MUC5B: variants seen among roughly 807,000 people sequenced by gnomAD.
MUC5B encodes the protein mucin 5B, oligomeric mucus/gel-forming, also known as mucin-5B.
A neutral mutation model predicts 376.9 loss-of-function variants in MUC5B; 116 were observed. The observed-to-expected ratio is 0.31, with a 90% CI of 0.26 to 0.36. The LOEUF (loss-of-function observed/expected upper bound fraction) is 0.36. Ranked by LOEUF, MUC5B falls within the 10% of genes least tolerant of loss-of-function variation. The pLI is 1.00. For missense variants in MUC5B, 7,165 were observed against 7,769.9 expected (o/e 0.92, Z 2.93); for synonymous variants, 3,517 against 3,390.9 (o/e 1.04, Z -1.29).
chr11:1,244,856 C>A lies in MUC5B; in HGVS notation c.7976C>A (p.Pro2659His), dbSNP rs1293755978. Reference sequence around the variant, plus strand: ...TCCATCCCGGGGACCACCCACACCCCCACAGTGCTGACCACCACCACCACA... The same window carrying A: ...TCCATCCCGGGGACCACCCACACCCACACAGTGCTGACCACCACCACCACA... Reference protein sequence around the residue: ...PSSIPGTTHTPTVLTTTTTTV... With the variant: ...PSSIPGTTHTHTVLTTTTTTV... Residue 2659 changes from proline (P) to histidine (H), a missense_variant, in exon 31 of 49, where the codon CCC becomes CAC. Physicochemically the swap from Pro to His is moderately conservative, Grantham distance 77. Coordinates refer to ENST00000529681, the MANE Select transcript of MUC5B (RefSeq NM_002458.3). 8 of 1,613,560 alleles carry A rather than the reference C, an allele frequency of 5.0e-6. No homozygotes were observed. The Admixed American group carries it at 1.3e-4, about 27-fold the overall frequency.
rs749776295 is a variant in MUC5B at position 1,241,812 on chromosome 11, G to A, written c.4932G>A (p.Pro1644=). 1.1e-5 allele frequency: 18 copies of A among 1,612,424 alleles called. No individual in the cohort carries two copies. Among genetic ancestry groups the A allele is most frequent in the South Asian group, 6.6e-5 (6 of 90,962 alleles). ...TSSPGLTRAP[P]ASTTAVPTLS... is the part of the protein sequence containing the mutation. The stretch of plus-strand genomic sequence containing the variant: ...GCCCGGGGCTGACCAGGGCTCCCCC[G>A]GCCAGCACCACAGCAGTCCCCACCC... The change falls in exon 31 of 49, where the codon CCG becomes CCA. Residue 1644 remains proline, a synonymous_variant. Transcript: ENST00000529681.
Position 1,242,148 on chromosome 11 carries a change from T to C in MUC5B, c.5268T>C (p.Ser1756=). ...APTLTSELST[S]QAETSTPRTE... The stretch of plus-strand genomic sequence containing the variant: ...CACTCACGAGCGAGCTGTCCACCTC[T>C]CAGGCCGAGACCAGCACGCCCAGGA... Residue 1756 remains serine, a synonymous_variant, in exon 31 of 49, where the codon TCT becomes TCC. Coordinates refer to ENST00000529681, the MANE Select transcript of MUC5B (RefSeq NM_002458.3). 1 of 1,613,290 alleles carries C rather than the reference T, an allele frequency of 6.2e-7. No homozygotes were observed.
Position 1,248,491 on chromosome 11 carries a change from A to G in MUC5B, c.11611A>G (p.Thr3871Ala), listed in dbSNP as rs778343466. Residue 3871 changes from threonine to alanine, a missense_variant, in exon 31 of 49, where the codon ACG becomes GCG. Thr to Ala is a moderately conservative substitution (Grantham distance 58). Coordinates refer to ENST00000529681, the MANE Select transcript of MUC5B (RefSeq NM_002458.3). ...HTTKVPTTTT[T>A]GFTVTPSSSP... ...TACCAAAGTGCCGACTACCACAACC[A>G]CGGGCTTCACAGTCACCCCCTCCTC... 3.1e-6 allele frequency: 5 copies of G among 1,611,112 alleles called. No individual in the cohort carries two copies. Among genetic ancestry groups the G allele is most frequent in the Non-Finnish European group, 3.4e-6 (4 of 1,178,664 alleles).
chr11:1,225,389 G>T (rs1183651444), intron 1 of MUC5B, among the ~76,000 whole-genome samples: 1 of 152,238 alleles, frequency 6.6e-6, no homozygotes, highest in Non-Finnish European at 1.5e-5. Flanking sequence ...GGCAGGCCGT[G>T]CTGGGGGCAG....
At position 1,247,398 on chromosome 11, in the gene MUC5B, T is replaced by A. The variant is rs372935832; in HGVS notation, c.10518T>A (p.Thr3506=). 6.2e-7 allele frequency: 1 copy of A among 1,606,666 alleles called. No individual in the cohort carries two copies. Among genetic ancestry groups the A allele is most frequent in the African/African-American group, 1.4e-5 (1 of 73,194 alleles). The part of the protein sequence containing the change: ...AATTSTTQHS[T]PALSSPHPSS... Reference sequence around the variant, plus strand: ...CCACCAGTACCACCCAGCACTCGACTCCAGCCCTGTCCAGCCCTCACCCTA... The same window carrying A: ...CCACCAGTACCACCCAGCACTCGACACCAGCCCTGTCCAGCCCTCACCCTA... Residue 3506 remains threonine, a synonymous_variant, in exon 31 of 49, where the codon ACT becomes ACA. Coordinates refer to ENST00000529681, the MANE Select transcript of MUC5B (RefSeq NM_002458.3).
Position 1,233,855 on chromosome 11 carries a change from G to A in MUC5B, c.2377+7G>A, listed in dbSNP as rs1219071036. ...TCTCTGCAGAAAAGCACAGGTAAGT[G>A]CCACCCCTGCCCTGCCCTGCCCTGC... On this transcript the variant is annotated splice_region_variant and intron_variant, in intron 19 of 48. Coordinates refer to ENST00000529681, the MANE Select transcript of MUC5B (RefSeq NM_002458.3). 1 of 1,575,696 alleles carries A rather than the reference G, an allele frequency of 6.3e-7. No homozygotes were observed. Among genetic ancestry groups the A allele is most frequent in the Non-Finnish European group, 8.6e-7 (1 of 1,163,970 alleles).
At position 1,255,167 on chromosome 11, in the gene MUC5B, C is replaced by A. The variant is rs1404775699; in HGVS notation, c.15791C>A (p.Thr5264Asn). The A allele has an allele frequency of 3.2e-6, 5 of 1,559,964 alleles. No individual in the cohort carries two copies. Among genetic ancestry groups the A allele is most frequent in the African/African-American group, 1.4e-5 (1 of 73,350 alleles). Residue 5264 changes from threonine (T) to asparagine (N), a missense_variant, in exon 36 of 49, where the codon ACT (threonine) becomes AAT (asparagine). Thr to Asn is a moderately conservative substitution (Grantham distance 65). Around this residue, in one of 31 missense-constraint regions of MUC5B, gnomAD observed 842 missense variants for 1,016.9 expected, o/e 0.83. Transcript: ENST00000529681. ...DSRKDGCWAP[T>N]GTPPTASPAA... ...AGAAAGGATGGCTGCTGGGCCCCGACTGGCACACCCCCCACTGCCAGCCCC... is the reference window on the plus strand; with the variant it reads ...AGAAAGGATGGCTGCTGGGCCCCGAATGGCACACCCCCCACTGCCAGCCCC...
rs1862566355 is a variant in MUC5B, at chr11:1,248,565, C to G, written c.11685C>G (p.Thr3895=). ...RTPPVWISTT[T]TPTTSGSTVT... ...CTCCAGTGTGGATCAGCACAACCAC[C>G]ACACCCACAACCAGTGGCTCCACGG... The change falls in exon 31 of 49, where the codon ACC becomes ACG. Residue 3895 remains threonine, a synonymous_variant. Transcript: ENST00000529681. The G allele has an allele frequency of 1.2e-6, 2 of 1,613,354 alleles. No individual in the cohort carries two copies. Among genetic ancestry groups the G allele is most frequent in the South Asian group, 1.1e-5 (1 of 91,052 alleles).
In MUC5B at chr11:1,247,803, C is replaced by T. The variant is rs1164573134; in HGVS notation, c.10923C>T (p.Gly3641=). The T allele has an allele frequency of 2.5e-6, 4 of 1,608,212 alleles. No homozygotes were observed. Among genetic ancestry groups the T allele is most frequent in the African/African-American group, 1.3e-5 (1 of 74,534 alleles). ...TCGTGGAATGCAGCCTGGACTTTGG[C>T]CTGGTCTGCAGGAACCGTGAGCAGG... ...GQVVECSLDF[G]LVCRNREQVG... is the part of the protein sequence containing the mutation. Residue 3641 remains glycine, a synonymous_variant, in exon 31 of 49, where the codon GGC becomes GGT. Coordinates refer to ENST00000529681, the MANE Select transcript of MUC5B (RefSeq NM_002458.3).
intron 15 of MUC5B, 46 bp from the exon 16 acceptor site, chr11:1,232,404 G>T: frequency 6.5e-7 from 1 of 1,546,802 alleles, no homozygotes; most frequent in East Asian, 2.4e-5. Context: ...TCAGGGGTGT[G>T]GGCTTCGGGG....
At position 1,234,543 on chromosome 11, in the gene MUC5B, C is replaced by A. The variant is rs7116614; in HGVS notation, c.2493C>A (p.Cys831Ter). 1 of 1,579,894 alleles carries A rather than the reference C, an allele frequency of 6.3e-7. No homozygotes were observed. The highest frequency in any genetic ancestry group is 1.8e-5 in the Admixed American group (1 of 55,524). The change falls in exon 21 of 49, where the codon TGC becomes TGA. Residue 831 changes from cysteine to a stop codon, truncating the protein, a stop_gained. Coordinates refer to ENST00000529681, the MANE Select transcript of MUC5B (RefSeq NM_002458.3). LOFTEE classifies it high-confidence loss of function. This position sits in a 1 kb window ranked among gnomAD's most constrained non-coding sequence, Gnocchi z 6.3. ...GGGCCCCACAGTTCAGCACACACTGCGTGTCCGGCTGTGTCTGTCCCCCGG... is the reference window on the plus strand; with the variant it reads ...GGGCCCCACAGTTCAGCACACACTGAGTGTCCGGCTGTGTCTGTCCCCCGG... ...TLDVGCFSTH[C>*]VSGCVCPPGL...
At chr11:1,227,452 G>T in intron 6 of MUC5B, 54 bp downstream of exon 6, 2 of 1,415,242 alleles carry the variant, frequency 1.4e-6, no homozygotes, top group Non-Finnish European at 2.0e-6. Context: ...CCAACGAAGA[G>T]CCACAGTCCC....
chr11:1,258,000 A>G lies in MUC5B; in HGVS notation c.16451-99A>G. On this transcript the variant is annotated intron_variant, in intron 41 of 48. Coordinates refer to ENST00000529681, the MANE Select transcript of MUC5B (RefSeq NM_002458.3). This position sits in a 1 kb window ranked among gnomAD's most constrained non-coding sequence, Gnocchi z 8.9. ...AGCCCCCAGGGGCTGTGAAGCGGTC[A>G]GGTCCTCGGGGAAAAGCACGCCTGC... 3.2e-6 allele frequency: 4 copies of G among 1,234,958 alleles called. No homozygotes were observed. The highest frequency in any genetic ancestry group is 4.6e-6 in the Non-Finnish European group (4 of 875,642). The allele number at this position is 1,234,958 out of a possible 1,614,324, so 76.5% of individuals were successfully genotyped here. A position where few individuals can be genotyped will look rare whatever the true frequency, so the allele number is the denominator to read the frequency against.
chr11:1,260,630 C>T lies in MUC5B; in HGVS notation c.16971C>T (p.Ser5657=). The change falls in exon 48 of 49, where the codon TCC becomes TCT. Residue 5657 remains serine (S), a synonymous_variant. Transcript: ENST00000529681. ...TGCCYSCEED[S]CQVRINTTIL... is the part of the protein sequence containing the mutation. ...ATCTGCCTTTCCTCCTCCCAGACTC[C>T]TGTCAAGTCCGCATCAACACGACCA... 1.2e-6 allele frequency: 2 copies of T among 1,612,232 alleles called. No individual in the cohort carries two copies. The highest frequency in any genetic ancestry group is 8.5e-7 in the Non-Finnish European group (1 of 1,179,556).
intron 14 of MUC5B, 125 bp downstream of exon 14, chr11:1,231,685 T>C: frequency 8.1e-7 from 1 of 1,239,540 alleles, no homozygotes. Flanking sequence ...CCCCAGGGCA[T>C]GGCGGAGATC....
At position 1,247,701 on chromosome 11, in the gene MUC5B, A is replaced by T. The variant is rs2334757; in HGVS notation, c.10821A>T (p.Ala3607=). 5.4e-6 allele frequency: 8 copies of T among 1,483,806 alleles called. No individual in the cohort carries two copies. The East Asian group carries it at 1.2e-4, about 22-fold the overall frequency. 91.9% of individuals were successfully genotyped at this position (1,483,806 alleles called of 1,614,324 possible). ...TYSNIRAAGG[A]VCEQPLGLEC... ...CCAACATCCGTGCGGCCGGAGGGGCAGTCTGTGAGCAGCCCCTGGGCCTCG... is the reference window on the plus strand; with the variant it reads ...CCAACATCCGTGCGGCCGGAGGGGCTGTCTGTGAGCAGCCCCTGGGCCTCG... Residue 3607 remains alanine (A), a synonymous_variant, in exon 31 of 49, where the codon GCA becomes GCT. Transcript: ENST00000529681.
Position 1,244,763 on chromosome 11 carries a change from G to A in MUC5B, c.7883G>A (p.Arg2628His), listed in dbSNP as rs201153963. The part of the protein sequence containing the change: ...ATPSSSPGTA[R>H]TLPVWISTTT... ...CCCTCCTCCAGCCCAGGGACGGCAC[G>A]CACGCTTCCAGTGTGGATCAGCACA... The change falls in exon 31 of 49, where the codon CGC (arginine) becomes CAC (histidine). Residue 2628 changes from arginine to histidine, a missense_variant. By Grantham distance (29) the Arg-to-His change is conservative. Around this residue, in one of 31 missense-constraint regions of MUC5B, gnomAD observed 141 missense variants for 111.2 expected, o/e 1.27. Coordinates refer to ENST00000529681, the MANE Select transcript of MUC5B (RefSeq NM_002458.3). 1.8e-4 allele frequency: 282 copies of A among 1,610,416 alleles called. 1 individual carries two copies. The highest frequency in any genetic ancestry group is 1.7e-3 in the African/African-American group (128 of 74,598).
Position 1,234,886 on chromosome 11 carries a change from C to G in MUC5B, c.2631-199C>G, listed in dbSNP as rs1437920559. Among the ~76,000 whole-genome samples, 1 of 152,080 alleles carries G rather than the reference C, an allele frequency of 6.6e-6. No individual in the cohort carries two copies. The highest frequency in any genetic ancestry group is 1.5e-5 in the Non-Finnish European group (1 of 67,990). ...GTCCTCTGGAAGGTGGCCCAGGGGC[C>G]GTGGTGCTACCAGGAGCCTGGTGGG... On this transcript the variant is annotated intron_variant, in intron 21 of 48. Coordinates refer to ENST00000529681, the MANE Select transcript of MUC5B (RefSeq NM_002458.3). The surrounding 1 kb of genome is among the most constrained non-coding windows in gnomAD (Gnocchi z 6.3).
At chr11:1,233,873 TGCCC>T in intron 19 of MUC5B, 25 bp downstream of exon 19, 1 of 1,564,830 alleles carries the variant, frequency 6.4e-7, no homozygotes. Flanking sequence ...TGCCCTGCCC[TGCCC>T]TGCCCCGCCC....
Sources: gnomAD v4.1 joint callset for allele counts (sites outside exome capture counted in the v4.1 genomes callset) on GRCh38, gnomAD v4.1.1 for gene constraint, gnomAD v4.1.1 regional missense constraint, Gnocchi (gnomAD v3.1) non-coding constraint, MANE v1.5 for transcripts, NCBI Gene and HGNC (gene_info 2026-07-23, HGNC 2026-07-21) for gene names.